The following ZC4H2 variants were observed in gnomAD, a reference collection of about 807,000 sequenced individuals.
The protein encoded by ZC4H2 is zinc finger C4H2 domain-containing protein.
For synonymous variants in ZC4H2, 84 were observed against 66.3 expected (o/e 1.27, Z -1.30); for missense variants, 137 against 173.9 (o/e 0.79, Z 1.19).
At chrX:65,014,582 A>AGTCTT (rs1932785218) in intron 1 of ZC4H2, among the ~76,000 whole-genome samples, 1 of 111,986 alleles carries the variant, frequency 8.9e-6, no homozygotes, top group Admixed American at 9.5e-5. Flanking sequence ...ACTGGGTTTA[A>AGTCTT]GTCTTCATAT....
chrX:64,973,085 A>C (rs1282254864), intron 1 of ZC4H2, among the ~76,000 whole-genome samples: 1 of 111,239 alleles, frequency 9.0e-6, no homozygotes, highest in Admixed American at 9.5e-5. Flanking sequence ...GTTTTATTTG[A>C]TATTAAGATG....
chrX:65,029,104 C>T (rs1009819182), intron 1 of ZC4H2, among the ~76,000 whole-genome samples: 1 of 110,197 alleles, frequency 9.1e-6, no homozygotes. Context: ...GGAAAACTAA[C>T]GTTTTAGGGG....
intron 4 of ZC4H2, 163 bp downstream of exon 4, chrX:64,918,879 T>C: frequency 1.7e-6 from 1 of 589,869 alleles, no homozygotes; most frequent in East Asian, 4.0e-5. Flanking sequence ...GCTGTGTGTG[T>C]CCAACACAGC....
At chrX:64,955,907 G>T (rs921243423) in intron 1 of ZC4H2, among the ~76,000 whole-genome samples, 1 of 111,569 alleles carries the variant, frequency 9.0e-6, no homozygotes, top group Non-Finnish European at 1.9e-5. Flanking sequence ...AGGGAACATT[G>T]GTTCACTCCT....
At chrX:64,966,012 T>G (rs2147409591) in intron 1 of ZC4H2, among the ~76,000 whole-genome samples, 1 of 92,158 alleles carries the variant, frequency 1.1e-5, no homozygotes, top group East Asian at 3.6e-4. Context: ...AATGAAAAGA[T>G]AAGTCCCAGA....
upstream of ZC4H2, among the ~76,000 whole-genome samples, chrX:64,979,697 T>A (rs147224908): frequency 2.2e-3 from 251 of 111,995 alleles, 2 homozygotes; most frequent in African/African-American, 7.5e-3. Flanking sequence ...AAGTGTTCAG[T>A]AGCTCTCAAT....
intron 2 of ZC4H2, among the ~76,000 whole-genome samples, chrX:64,920,811 T>A (rs1929163767): frequency 8.9e-6 from 1 of 112,516 alleles, no homozygotes; most frequent in Non-Finnish European, 1.9e-5. Flanking sequence ...ATTCTTAGGT[T>A]CACCTCAGAC....
At chrX:64,963,247 T>C (rs1931467279) in intron 1 of ZC4H2, among the ~76,000 whole-genome samples, 1 of 111,809 alleles carries the variant, frequency 8.9e-6, no homozygotes, top group African/African-American at 3.2e-5. Context: ...CGTATAACAT[T>C]GGACCCTTAT....
At chrX:64,924,347 A>C (rs1405736055) in intron 1 of ZC4H2, among the ~76,000 whole-genome samples, 3 of 112,350 alleles carry the variant, frequency 2.7e-5, no homozygotes, top group South Asian at 3.7e-4. Flanking sequence ...AGAGGGTTTC[A>C]ATATATATTC....
intron 1 of ZC4H2, among the ~76,000 whole-genome samples, chrX:65,024,176 G>A (rs2147294052): frequency 9.1e-6 from 1 of 110,070 alleles, no homozygotes; most frequent in African/African-American, 3.3e-5. Flanking sequence ...GGTTGATGGG[G>A]GCAGCAAACC....
intron 1 of ZC4H2, among the ~76,000 whole-genome samples, chrX:65,029,063 G>T (rs1318180406): frequency 2.7e-5 from 3 of 110,729 alleles, no homozygotes; most frequent in Non-Finnish European, 5.7e-5. Context: ...TAGAACAAAA[G>T]AAATAGGCCA....
intron 1 of ZC4H2, among the ~76,000 whole-genome samples, chrX:65,033,567 G>A (rs1170669601): frequency 9.0e-6 from 1 of 111,490 alleles, no homozygotes; most frequent in African/African-American, 3.3e-5. Flanking sequence ...CAAGATCTTA[G>A]AGGACTTTGA....
In ZC4H2 at chrX:64,976,306, G is replaced by C; in HGVS notation, c.53+19C>G. The C allele has an allele frequency of 8.3e-7, 1 of 1,209,098 alleles. No individual in the cohort carries two copies. The highest frequency in any genetic ancestry group is 2.3e-4 in the Middle Eastern group (1 of 4,346). On this transcript the variant is annotated intron_variant, in intron 1 of 4. Coordinates refer to ENST00000374839, the MANE Select transcript of ZC4H2 (RefSeq NM_018684.4). ...GAAGGGTTGGAGAGGGGCGGGGAGG[G>C]GGACAACGTGCCACTTACCTGATCT...
chrX:64,944,083 C>G (rs1374690850), intron 1 of ZC4H2, among the ~76,000 whole-genome samples: 4 of 108,428 alleles, frequency 3.7e-5, no homozygotes, highest in African/African-American at 1.3e-4. Context: ...TTCTCCTTTG[C>G]TTGTGAAGCT....
At chrX:64,984,168 C>T (rs1219290030) in intron 1 of ZC4H2, among the ~76,000 whole-genome samples, 1 of 111,272 alleles carries the variant, frequency 9.0e-6, no homozygotes, top group East Asian at 2.8e-4. Flanking sequence ...TTAGTTTCCA[C>T]TTATAAGTGA....
intron 1 of ZC4H2, among the ~76,000 whole-genome samples, chrX:64,963,366 C>T (rs921459696): frequency 6.3e-5 from 7 of 111,720 alleles, no homozygotes; most frequent in African/African-American, 1.9e-4. Flanking sequence ...CAAGACTTTG[C>T]TTGTGGCAAT....
At chrX:65,011,449 G>T (rs1372183748) in intron 1 of ZC4H2, among the ~76,000 whole-genome samples, 3 of 111,449 alleles carry the variant, frequency 2.7e-5, no homozygotes, top group Non-Finnish European at 5.6e-5. Flanking sequence ...TGAGGGAGAG[G>T]TCTGGAACCC....
At chrX:64,919,450 C>T in intron 3 of ZC4H2, 1 of 351,288 alleles carries the variant, frequency 2.8e-6, no homozygotes, top group Non-Finnish European at 4.9e-6. Context: ...TAGCAAGATC[C>T]TTAAAGGGTA....
intron 1 of ZC4H2, among the ~76,000 whole-genome samples, chrX:64,970,948 G>A (rs1387145655): frequency 8.9e-6 from 1 of 112,022 alleles, no homozygotes; most frequent in Non-Finnish European, 1.9e-5. Flanking sequence ...GTGTTCAACA[G>A]AGACACAGTA....
Sources: allele counts gnomAD v4.1 joint callset (sites outside exome capture counted in the v4.1 genomes callset), GRCh38; gene constraint gnomAD v4.1.1; transcripts MANE v1.5; gene names NCBI Gene and HGNC (gene_info 2026-07-23, HGNC 2026-07-21).